SLC4A2: variants seen among roughly 807,000 people sequenced by gnomAD.
SLC4A2 encodes solute carrier family 4 member 2.
Under a neutral mutation model 115.0 loss-of-function variants are expected in SLC4A2, and 36 were observed. The observed-to-expected ratio is 0.31, with a 90% CI of 0.24 to 0.41. The LOEUF is 0.41. Among genes scored for constraint, SLC4A2 ranks in the 10% least tolerant of loss-of-function variants. The pLI is 1.00. For missense variants in SLC4A2, 1,252 were observed against 1,705.6 expected, an observed-to-expected ratio of 0.73 and a Z score of 4.68; for synonymous variants, 708 against 708.3, an observed-to-expected ratio of 1.00 and a Z score of 0.01.
At position 151,075,299 on chromosome 7, in the gene SLC4A2, G is replaced by C. The variant is rs748585431; in HGVS notation, c.3092G>C (p.Gly1031Ala). 1 of 1,613,308 alleles carries C rather than the reference G, an allele frequency of 6.2e-7. No individual in the cohort carries two copies. The highest frequency in any genetic ancestry group is 8.5e-7 in the Non-Finnish European group (1 of 1,180,044). ...GAGCGCATGCTGCAGAAGGGCTCCG[G>C]CTTCCACCTGGACCTGCTGCTCATC... ...KKERMLQKGSGFHLDLLLIVA... is the reference protein window; with the variant it reads ...KKERMLQKGSAFHLDLLLIVA... The change falls in exon 20 of 23, where the codon GGC becomes GCC. Residue 1031 changes from glycine (G) to alanine (A), a missense_variant. Gly to Ala is a moderately conservative substitution (Grantham distance 60). Coordinates refer to ENST00000413384, the MANE Select transcript of SLC4A2 (RefSeq NM_003040.4).
chr7:151,064,642 G>T lies in SLC4A2; in HGVS notation c.334G>T (p.Ala112Ser). 1 of 1,613,734 alleles carries T rather than the reference G, an allele frequency of 6.2e-7. No homozygotes were observed. ...ACGGAAGCCTCGAAGGCGCCCGGGA[G>T]CCTCCCCGACTGGAGAAACCCCGAC... ...PGRKPRRRPGASPTGETPTIE... is the reference protein window; with the variant it reads ...PGRKPRRRPGSSPTGETPTIE... Residue 112 changes from alanine to serine, a missense_variant, in exon 4 of 23, where the codon GCC (alanine) becomes TCC (serine). By Grantham distance (99) the Ala-to-Ser change is moderately conservative. Coordinates refer to ENST00000413384, the MANE Select transcript of SLC4A2 (RefSeq NM_003040.4).
At position 151,070,552 on chromosome 7, in the gene SLC4A2, G is replaced by A. The variant is rs1797398577; in HGVS notation, c.1545G>A (p.Glu515=). Residue 515 remains glutamate, a synonymous_variant, in exon 11 of 23, where the codon GAG becomes GAA. Coordinates refer to ENST00000413384, the MANE Select transcript of SLC4A2 (RefSeq NM_003040.4). The part of the protein sequence containing the change: ...KLLEKIPENA[E]ATVVLVGCVE... ...TGGAGAAGATTCCTGAGAATGCCGA[G>A]GCCACGGTGGTCCTTGTGGGTATGT... 1 of 1,613,556 alleles carries A rather than the reference G, an allele frequency of 6.2e-7. No homozygotes were observed. The highest frequency in any genetic ancestry group is 8.5e-7 in the Non-Finnish European group (1 of 1,179,852).
At chr7:151,064,483 G>A in intron 3 of SLC4A2, 43 bp from the exon 4 acceptor site, 1 of 1,588,058 alleles carries the variant, frequency 6.3e-7, no homozygotes, top group Non-Finnish European at 8.6e-7. Flanking sequence ...GGCAGGGGAG[G>A]GACACTGTGC....
At chr7:151,075,954 A>G (rs1361927481) in intron 21 of SLC4A2, 59 bp from the exon 22 acceptor site, 1 of 1,515,852 alleles carries the variant, frequency 6.6e-7, no homozygotes, top group South Asian at 1.3e-5. Context: ...AAGAAGAGAG[A>G]GGCTCTTCCC....
upstream of SLC4A2, chr7:151,058,620 C>G (rs1188910353): frequency 6.6e-6 from 1 of 152,280 alleles, no homozygotes; most frequent in East Asian, 1.9e-4. Context: ...CTCTGACATG[C>G]TGAGGAAAAC....
chr7:151,074,872 G>A, intron 19 of SLC4A2, 31 bp downstream of exon 19: 1 of 1,560,162 alleles, frequency 6.4e-7, no homozygotes, highest in Non-Finnish European at 8.7e-7. Context: ...GGGTGTGAGA[G>A]GCCAGAGCCC....
Position 151,072,145 on chromosome 7 carries a change from G to T in SLC4A2, c.2535+9G>T. 4 of 1,611,330 alleles carry T rather than the reference G, an allele frequency of 2.5e-6. No individual in the cohort carries two copies. Among genetic ancestry groups the T allele is most frequent in the Non-Finnish European group, 3.4e-6 (4 of 1,178,080 alleles). ...TCTACAAGCTGGTGAAGGTGGGCAG[G>T]CCCCTGCCGAGAGCTGGGCCAGGAG... On this transcript the variant is annotated intron_variant, in intron 16 of 22. Coordinates refer to ENST00000413384, the MANE Select transcript of SLC4A2 (RefSeq NM_003040.4).
rs1797330271 is a variant in SLC4A2, at chr7:151,068,955, A to G, written c.1147+901A>G. ...GAGATTGAGACCATCCTGGCTAACA[A>G]GGTGAAATCCCATCTCTACTAAAAA... On this transcript the variant is annotated intron_variant, in intron 8 of 22. Transcript: ENST00000413384. Among the ~76,000 whole-genome samples, 3 of 151,804 alleles carry G rather than the reference A, an allele frequency of 2.0e-5. No individual in the cohort carries two copies. The South Asian group carries it at 6.3e-4, about 32-fold the overall frequency.
rs1796988335 is a variant in SLC4A2 at position 151,059,805 on chromosome 7, G to T, written c.-64+43G>T. On this transcript the variant is annotated intron_variant, in intron 1 of 22. Coordinates refer to ENST00000413384, the MANE Select transcript of SLC4A2 (RefSeq NM_003040.4). This position sits in a 1 kb window ranked among gnomAD's most constrained non-coding sequence, Gnocchi z 5.8. ...GGCGGGGGACGGCCAGGGCCGCAGA[G>T]GGAGGAAGGGAGGGGGAAGGAGAGG... 2 of 151,194 alleles carry T rather than the reference G, an allele frequency of 1.3e-5. No homozygotes were observed. Among genetic ancestry groups the T allele is most frequent in the Non-Finnish European group, 3.0e-5 (2 of 67,640 alleles). The allele number at this position is 151,194 out of a possible 1,614,324, so 9.4% of individuals were successfully genotyped here.
In SLC4A2 at chr7:151,063,170, G is replaced by A. The variant is rs560161323; in HGVS notation, c.52-1032G>A. On this transcript the variant is annotated intron_variant, in intron 2 of 22. Coordinates refer to ENST00000413384, the MANE Select transcript of SLC4A2 (RefSeq NM_003040.4). ...GGCTGTGCCGGCCGGCCGCTGCTCC[G>A]CGCCCGCAGGATGACTCAGGTGGGG... 36 of 1,424,010 alleles carry A rather than the reference G, an allele frequency of 2.5e-5. No homozygotes were observed. The African/African-American group carries it at 4.5e-4, about 18-fold the overall frequency. 88.2% of individuals were successfully genotyped at this position (1,424,010 alleles called of 1,614,324 possible).
chr7:151,071,650 C>T lies in SLC4A2; in HGVS notation c.2192-39C>T, dbSNP rs1225681155. The T allele has an allele frequency of 6.2e-7, 1 of 1,612,496 alleles. No individual in the cohort carries two copies. The highest frequency in any genetic ancestry group is 8.5e-7 in the Non-Finnish European group (1 of 1,179,266). ...AGGGGGCGGCGGGGACTGCCCAGGG[C>T]CTGGCCACCAGCTCCTGAGCTGGTT... is the stretch of plus-strand genomic sequence containing the variant. On this transcript the variant is annotated intron_variant, in intron 14 of 22. Coordinates refer to ENST00000413384, the MANE Select transcript of SLC4A2 (RefSeq NM_003040.4). The surrounding 1 kb of genome is among the most constrained non-coding windows in gnomAD (Gnocchi z 5.5).
intron 2 of SLC4A2, among the ~76,000 whole-genome samples, 176 bp from the exon 3 acceptor site, chr7:151,064,026 G>A (rs1212798622): frequency 6.6e-6 from 1 of 152,028 alleles, no homozygotes; most frequent in Non-Finnish European, 1.5e-5. Flanking sequence ...ACTGTGCCTG[G>A]CCTGGGTCCC....
At chr7:151,062,369 A>G (rs981848110) in intron 2 of SLC4A2, among the ~76,000 whole-genome samples, 3 of 152,162 alleles carry the variant, frequency 2.0e-5, no homozygotes, top group East Asian at 1.9e-4. Context: ...GCGCAGGTCA[A>G]GTCTGCACGC....
chr7:151,066,263 C>G (rs868524730), intron 5 of SLC4A2, among the ~76,000 whole-genome samples: 1 of 152,250 alleles, frequency 6.6e-6, no homozygotes, highest in African/African-American at 2.4e-5. Flanking sequence ...AGTTGACGTT[C>G]GCAGTGGCCG....
intron 18 of SLC4A2, 58 bp downstream of exon 18, chr7:151,074,546 G>T: frequency 6.3e-7 from 1 of 1,599,680 alleles, no homozygotes; most frequent in Non-Finnish European, 8.6e-7. Context: ...GGGTCTAGGT[G>T]TTCCCCTCCA....
intron 5 of SLC4A2, among the ~76,000 whole-genome samples, chr7:151,065,275 C>T (rs967237844): frequency 1.3e-5 from 2 of 152,182 alleles, no homozygotes; most frequent in East Asian, 3.8e-4. Context: ...CACCCCTGCC[C>T]GTCTCCCACC....
At chr7:151,064,180 C>G (rs780141899) in intron 2 of SLC4A2, 22 bp from the exon 3 acceptor site, 1 of 1,608,984 alleles carries the variant, frequency 6.2e-7, no homozygotes, top group Non-Finnish European at 8.5e-7. Context: ...TGTGTGTTTT[C>G]TCTCTGCCTT....
At chr7:151,069,573 T>C (rs1001152459) in intron 8 of SLC4A2, among the ~76,000 whole-genome samples, 7 of 152,082 alleles carry the variant, frequency 4.6e-5, no homozygotes, top group African/African-American at 1.7e-4. Flanking sequence ...CTGGCTCACT[T>C]AGAGGAGAGT....
Position 151,070,341 on chromosome 7 carries a change from C to G in SLC4A2, c.1444C>G (p.Arg482Gly). The change falls in exon 10 of 23, where the codon CGA becomes GGA. Residue 482 changes from arginine to glycine, a missense_variant. Physicochemically the swap from Arg to Gly is moderately radical, Grantham distance 125. Transcript: ENST00000413384. Reference protein sequence around the residue: ...GVPETRLEVERERELPPPAPP... With the variant: ...GVPETRLEVEGERELPPPAPP... ...TCCTGAGACCCGGCTGGAGGTGGAG[C>G]GAGAGGTGAGGGGAGAACCAGCCCT... 6.2e-7 allele frequency: 1 copy of G among 1,610,212 alleles called. No homozygotes were observed. Among genetic ancestry groups the G allele is most frequent in the Non-Finnish European group, 8.5e-7 (1 of 1,177,792 alleles).
Sources: allele counts gnomAD v4.1 joint callset (sites outside exome capture counted in the v4.1 genomes callset), GRCh38; gene constraint gnomAD v4.1.1; non-coding constraint Gnocchi (gnomAD v3.1); transcripts MANE v1.5; gene names NCBI Gene and HGNC (gene_info 2026-07-23, HGNC 2026-07-21).